ATAD3B: variants seen among roughly 807,000 people sequenced by gnomAD.
The protein encoded by ATAD3B is ATPase family AAA domain-containing protein 3B.
In ATAD3B, 59 loss-of-function variants were observed where a neutral mutation model predicts 70.2. The observed-to-expected ratio is 0.84, with a 90% CI of 0.68 to 1.04. The LOEUF is 1.04. Among genes scored for constraint, ATAD3B ranks in the 50% least tolerant of loss-of-function variants. ATAD3B has a pLI of 0.00. For missense variants in ATAD3B, 961 were observed against 913.4 expected (o/e 1.05, Z -0.67); for synonymous variants, 423 against 388.6 (o/e 1.09, Z -1.04).
the ATAD3B span, among the ~76,000 whole-genome samples, chr1:1,506,492 C>T: frequency 2.6e-5 from 4 of 151,644 alleles, no homozygotes; most frequent in African/African-American, 7.3e-5. Flanking sequence ...AAACTCATGA[C>T]GTCAGGTGAT....
chr1:1,479,852 G>A (rs1557797296), intron 4 of ATAD3B, among the ~76,000 whole-genome samples: 1 of 117,002 alleles, frequency 8.5e-6, no homozygotes, highest in Non-Finnish European at 1.7e-5. Context: ...ACACCGCCCC[G>A]CACACACGGG....
chr1:1,489,458 G>A, intron 13 of ATAD3B, 184 bp downstream of exon 13: 1 of 1,162,474 alleles, frequency 8.6e-7, no homozygotes. Flanking sequence ...GGAACATGCA[G>A]GGGCCTCCCG....
intron 1 of ATAD3B, among the ~76,000 whole-genome samples, chr1:1,475,406 G>A (rs982234395): frequency 5.2e-4 from 78 of 151,012 alleles, no homozygotes; most frequent in African/African-American, 1.6e-3. Flanking sequence ...CTGCAAGCCC[G>A]GCCCCTCCCG....
chr1:1,506,640 TGG>T, the ATAD3B span, among the ~76,000 whole-genome samples: 1 of 152,186 alleles, frequency 6.6e-6, no homozygotes, highest in African/African-American at 2.4e-5. Flanking sequence ...CTATTGTAAA[TGG>T]AAATGGTTTC....
At chr1:1,502,946 C>T in the ATAD3B span, among the ~76,000 whole-genome samples, 7 of 150,928 alleles carry the variant, frequency 4.6e-5, no homozygotes, top group East Asian at 3.9e-4. Flanking sequence ...CACATCAGGC[C>T]GGGCACAGTG....
Position 1,490,284 on chromosome 1 carries a change from G to T in ATAD3B, c.1365G>T (p.Leu455=), listed in dbSNP as rs2242396. The change falls in exon 14 of 16, where the codon CTG becomes CTT. Residue 455 remains leucine (L), a synonymous_variant. Coordinates refer to ENST00000673477, the MANE Select transcript of ATAD3B (RefSeq NM_031921.6). Reference sequence around the variant, plus strand: ...TCATGCTGGTCCTGGCCAGCAATCTGCCTGAGCAGTTCGACTGTGCCATCA... The same window carrying T: ...TCATGCTGGTCCTGGCCAGCAATCTTCCTGAGCAGTTCGACTGTGCCATCA... ...NKFMLVLASN[L]PEQFDCAINS... is the part of the protein sequence containing the mutation. The T allele has an allele frequency of 2.9e-5, 47 of 1,613,034 alleles. 1 individual carries two copies. The East Asian group carries it at 1.0e-3, about 36-fold the overall frequency.
Position 1,477,386 on chromosome 1 carries a change from G to A in ATAD3B, c.282+36G>A, listed in dbSNP as rs774452058. 5.6e-6 allele frequency: 9 copies of A among 1,611,198 alleles called. No homozygotes were observed. The Admixed American group carries it at 8.3e-5, about 15-fold the overall frequency. ...CCGGTGTGGGCGAGGAGGCCGGGGCGCACATGGGGTTCAGGCGTGGAGATT... is the reference window on the plus strand; with the variant it reads ...CCGGTGTGGGCGAGGAGGCCGGGGCACACATGGGGTTCAGGCGTGGAGATT... On this transcript the variant is annotated intron_variant, in intron 2 of 15. Coordinates refer to ENST00000673477, the MANE Select transcript of ATAD3B (RefSeq NM_031921.6).
rs1292178045 is a variant in ATAD3B at position 1,497,304 on chromosome 1, G to C, written c.*1487G>C. The C allele has an allele frequency of 6.7e-6, 1 of 148,290 alleles. No homozygotes were observed. Among genetic ancestry groups the C allele is most frequent in the Non-Finnish European group, 1.5e-5 (1 of 67,132 alleles). The allele number at this position is 148,290 out of a possible 1,614,324, so 9.2% of individuals were successfully genotyped here. On this transcript the variant is annotated 3_prime_UTR_variant, in exon 16 of 16. Coordinates refer to ENST00000673477, the MANE Select transcript of ATAD3B (RefSeq NM_031921.6). Reference sequence around the variant, plus strand: ...AGCTCACTGCAGCCTCGACCTCCCAGGCTCAAGTGATCCTCCTGCCTCAGC... The same window carrying C: ...AGCTCACTGCAGCCTCGACCTCCCACGCTCAAGTGATCCTCCTGCCTCAGC...
chr1:1,485,634 G>C (rs567311493), intron 8 of ATAD3B, 148 bp from the exon 9 acceptor site: 8 of 1,322,986 alleles, frequency 6.0e-6, no homozygotes, highest in Non-Finnish European at 7.3e-6. Flanking sequence ...CTGGTCTCCC[G>C]GCGGGGCAGG....
At chr1:1,473,815 A>G (rs1019476608) in intron 1 of ATAD3B, among the ~76,000 whole-genome samples, 1 of 150,384 alleles carries the variant, frequency 6.6e-6, no homozygotes. Flanking sequence ...CTTTTTAGAA[A>G]GAAGATCATT....
intron 4 of ATAD3B, among the ~76,000 whole-genome samples, chr1:1,479,528 C>T (rs1474197313): frequency 7.0e-6 from 1 of 142,712 alleles, no homozygotes; most frequent in African/African-American, 2.7e-5. Context: ...GCAAACACAC[C>T]CCCACACAAC....
In ATAD3B at chr1:1,482,219, C is replaced by T. The variant is rs1639949955; in HGVS notation, c.596C>T (p.Ala199Val). 2 of 1,611,276 alleles carry T rather than the reference C, an allele frequency of 1.2e-6. No homozygotes were observed. The highest frequency in any genetic ancestry group is 1.7e-6 in the Non-Finnish European group (2 of 1,179,276). ...ACCGAGGCCCGGGCGCGCGCCAAGG[C>T]CGAGCGGGAGAATGCAGACATCATC... ...VETEARARAK[A>V]ERENADIIRE... is the part of the protein sequence containing the mutation. Residue 199 changes from alanine to valine, a missense_variant, in exon 6 of 16, where the codon GCC (alanine) becomes GTC (valine). By Grantham distance (64) the Ala-to-Val change is moderately conservative. This residue lies in a region of ATAD3B where 349 missense variants were observed against 307.5 expected (regional missense o/e 1.14). Coordinates refer to ENST00000673477, the MANE Select transcript of ATAD3B (RefSeq NM_031921.6).
intron 15 of ATAD3B, among the ~76,000 whole-genome samples, chr1:1,493,627 T>G (rs1047751846): frequency 6.6e-6 from 1 of 151,836 alleles, no homozygotes. Context: ...AGTTGAATTT[T>G]TTTTTTTTAA....
chr1:1,484,453 T>G (rs935604734), intron 7 of ATAD3B: 3 of 152,808 alleles, frequency 2.0e-5, no homozygotes, highest in African/African-American at 7.2e-5. Flanking sequence ...AGTGCTGGGA[T>G]TACGGGCGTG....
the ATAD3B span, chr1:1,503,660 A>G: frequency 6.2e-7 from 1 of 1,611,740 alleles, no homozygotes; most frequent in East Asian, 2.2e-5. Context: ...TCCAAGCTCA[A>G]AGTGAGTGGG....
At chr1:1,487,315 C>T (rs1483861536) in intron 11 of ATAD3B, among the ~76,000 whole-genome samples, 2 of 151,868 alleles carry the variant, frequency 1.3e-5, no homozygotes, top group South Asian at 2.1e-4. Flanking sequence ...GGTGAAACCC[C>T]GTCTCTACTA....
At position 1,489,205 on chromosome 1, in the gene ATAD3B, A is replaced by G; in HGVS notation, c.1268A>G (p.Glu423Gly). ...ADAFLRKRAT[E>G]EISKDLRATL... ...AAGGCTGGAACCTTCTCTCTGCAGGAGGAGATAAGCAAGGACCTCAGAGCC... is the reference window on the plus strand; with the variant it reads ...AAGGCTGGAACCTTCTCTCTGCAGGGGGAGATAAGCAAGGACCTCAGAGCC... Residue 423 changes from glutamate to glycine, a missense_variant and splice_region_variant, in exon 13 of 16, where the codon GAG becomes GGG. This residue lies in a region of ATAD3B where 417 missense variants were observed against 335.0 expected (regional missense o/e 1.24). Coordinates refer to ENST00000673477, the MANE Select transcript of ATAD3B (RefSeq NM_031921.6). 1.2e-6 allele frequency: 2 copies of G among 1,613,460 alleles called. No individual in the cohort carries two copies. Among genetic ancestry groups the G allele is most frequent in the Non-Finnish European group, 1.7e-6 (2 of 1,179,550 alleles).
chr1:1,477,047 C>T (rs568467643), intron 1 of ATAD3B, among the ~76,000 whole-genome samples: 1 of 151,844 alleles, frequency 6.6e-6, no homozygotes, highest in African/African-American at 2.4e-5. Context: ...TTAAGTCTCA[C>T]TCTGTCCAGC....
chr1:1,482,201 C>G lies in ATAD3B; in HGVS notation c.578C>G (p.Ala193Gly). The G allele has an allele frequency of 6.2e-7, 1 of 1,611,068 alleles. No homozygotes were observed. Among genetic ancestry groups the G allele is most frequent in the Non-Finnish European group, 8.5e-7 (1 of 1,179,244 alleles). ...GAGATGCTGCGAGTGGAGACCGAGG[C>G]CCGGGCGCGCGCCAAGGCCGAGCGG... is the stretch of plus-strand genomic sequence containing the variant. ...KNEMLRVETE[A>G]RARAKAEREN... The change falls in exon 6 of 16, where the codon GCC becomes GGC. Residue 193 changes from alanine to glycine, a missense_variant. By Grantham distance (60) the Ala-to-Gly change is moderately conservative (BLOSUM62 0). Coordinates refer to ENST00000673477, the MANE Select transcript of ATAD3B (RefSeq NM_031921.6).
Sources: allele counts gnomAD v4.1 joint callset (sites outside exome capture counted in the v4.1 genomes callset), GRCh38; gene constraint gnomAD v4.1.1; regional missense constraint gnomAD v4.1.1; transcripts MANE v1.5; gene names NCBI Gene and HGNC (gene_info 2026-07-23, HGNC 2026-07-21).